C3AR1: variants seen among roughly 807,000 people sequenced by gnomAD.
C3AR1 encodes complement C3a receptor 1.
For synonymous variants in C3AR1, 208 were observed against 225.3 expected, an observed-to-expected ratio of 0.92 and a Z score of 0.69; for missense variants, 579 against 583.5, an observed-to-expected ratio of 0.99 and a Z score of 0.08.
Position 8,060,088 on chromosome 12 carries a change from G to C in C3AR1, c.98C>G (p.Thr33Ser). 1 of 1,614,158 alleles carries C rather than the reference G, an allele frequency of 6.2e-7. No individual in the cohort carries two copies. ...VILSMVILSL[T>S]FLLGLPGNGL... ...ATTGCCTGGCAATCCCAGTAAAAAA[G>C]TAAGGCTGAGAATGACCATGGAGAG... The change falls in exon 2 of 2, where the codon ACT becomes AGT. Residue 33 changes from threonine (T) to serine (S), a missense_variant. Thr to Ser is a moderately conservative substitution (Grantham distance 58, BLOSUM62 1). Transcript: ENST00000307637.
intron 1 of C3AR1, among the ~76,000 whole-genome samples, chr12:8,061,750 C>T (rs761626652): frequency 1.3e-5 from 2 of 152,240 alleles, no homozygotes; most frequent in South Asian, 2.1e-4. Flanking sequence ...TGCGAGCCAC[C>T]GCGCCTGGCC....
rs761998261 is a variant in C3AR1, at chr12:8,059,473, G to T, written c.713C>A (p.Ser238Tyr). The T allele has an allele frequency of 6.2e-7, 1 of 1,614,124 alleles. No homozygotes were observed. Among genetic ancestry groups the T allele is most frequent in the Non-Finnish European group, 8.5e-7 (1 of 1,179,990 alleles). Reference sequence around the variant, plus strand: ...AGAACCCCTAGGGAGTGAATCTGCAGAAGGTCTTTGAAATGTTTGAGGTTG... The same window carrying T: ...AGAACCCCTAGGGAGTGAATCTGCATAAGGTCTTTGAAATGTTTGAGGTTG... ...VFQPQTFQRP[S>Y]ADSLPRGSAR... The change falls in exon 2 of 2, where the codon TCT becomes TAT. Residue 238 changes from serine (S) to tyrosine (Y), a missense_variant. Coordinates refer to ENST00000307637, the MANE Select transcript of C3AR1 (RefSeq NM_004054.4).
intron 1 of C3AR1, among the ~76,000 whole-genome samples, chr12:8,062,810 A>C (rs1212401599): frequency 2.0e-5 from 3 of 149,676 alleles, no homozygotes; most frequent in Non-Finnish European, 4.5e-5. Flanking sequence ...TGCCCGGCTA[A>C]TTTTTTTTTG....
Position 8,059,690 on chromosome 12 carries a change from T to C in C3AR1, c.496A>G (p.Thr166Ala). 6.2e-7 allele frequency: 1 copy of C among 1,614,182 alleles called. No homozygotes were observed. The highest frequency in any genetic ancestry group is 8.5e-7 in the Non-Finnish European group (1 of 1,180,038). Residue 166 changes from threonine (T) to alanine (A), a missense_variant, in exon 2 of 2, where the codon ACA (threonine) becomes GCA (alanine). By Grantham distance (58) the Thr-to-Ala change is moderately conservative (BLOSUM62 0). Transcript: ENST00000307637. ...TAGCCACATCTATTATGGTTGTCTG[T>C]AGTGAAGATTTCCCGGTACACGAAC... ...PVFVYREIFTTDNHNRCGYKF... is the reference protein window; with the variant it reads ...PVFVYREIFTADNHNRCGYKF...
At chr12:8,064,178 T>C (rs996517792) in intron 1 of C3AR1, among the ~76,000 whole-genome samples, 1 of 152,220 alleles carries the variant, frequency 6.6e-6, no homozygotes, top group Non-Finnish European at 1.5e-5. Flanking sequence ...TTTGTATCCA[T>C]GTAATCCTTA....
rs900136969 is a variant in C3AR1 at position 8,057,636 on chromosome 12, A to G, written c.*1101T>C. On this transcript the variant is annotated 3_prime_UTR_variant, in exon 2 of 2. Coordinates refer to ENST00000307637, the MANE Select transcript of C3AR1 (RefSeq NM_004054.4). ...AACTATGTGCATGTATTACTTTGGC[A>G]AAGAAAAGGATTTAAAAAACCCAGA... 2.0e-5 allele frequency among the ~76,000 whole-genome samples: 3 copies of G among 152,192 alleles called. No homozygotes were observed. The highest frequency in any genetic ancestry group is 4.8e-5 in the African/African-American group (2 of 41,438).
intron 1 of C3AR1, among the ~76,000 whole-genome samples, chr12:8,064,339 T>C (rs1947308036): frequency 6.6e-6 from 1 of 152,172 alleles, no homozygotes; most frequent in African/African-American, 2.4e-5. Flanking sequence ...CAGCCAAATA[T>C]TGCCATAGGG....
intron 1 of C3AR1, among the ~76,000 whole-genome samples, chr12:8,065,021 T>A (rs1947316086): frequency 6.6e-6 from 1 of 152,048 alleles, no homozygotes; most frequent in African/African-American, 2.4e-5. Context: ...GCCTACGTTT[T>A]CTCTGCTTTT....
rs558274441 is a variant in C3AR1 at position 8,064,654 on chromosome 12, A to G, written c.-11+1624T>C. Among the ~76,000 whole-genome samples, 9 of 144,822 alleles carry G rather than the reference A, an allele frequency of 6.2e-5. No individual in the cohort carries two copies. The South Asian group carries it at 2.0e-3, about 32-fold the overall frequency. On this transcript the variant is annotated intron_variant, in intron 1 of 1. Transcript: ENST00000307637. ...TGGTGAGCCGAGGTTGCGCCACTAC[A>G]CTCCAGCCTGGGCAACAAAAGCAAA... is the stretch of plus-strand genomic sequence containing the variant.
chr12:8,059,833 A>T lies in C3AR1; in HGVS notation c.353T>A (p.Leu118Gln), dbSNP rs576903115. Residue 118 changes from leucine (L) to glutamine (Q), a missense_variant, in exon 2 of 2, where the codon CTG (leucine) becomes CAG (glutamine). Coordinates refer to ENST00000307637, the MANE Select transcript of C3AR1 (RefSeq NM_004054.4). ...ASVFLLTAIS[L>Q]DRCLVVFKPI... ...CTTGAATACCACAAGACAGCGATCC[A>T]GGCTAATGGCAGTAAGCAGGAAGAC... 5 of 1,614,058 alleles carry T rather than the reference A, an allele frequency of 3.1e-6. No individual in the cohort carries two copies. The highest frequency in any genetic ancestry group is 4.2e-6 in the Non-Finnish European group (5 of 1,180,032).
At chr12:8,062,841 G>T (rs1380590635) in intron 1 of C3AR1, among the ~76,000 whole-genome samples, 1 of 151,188 alleles carries the variant, frequency 6.6e-6, no homozygotes, top group East Asian at 1.9e-4. Flanking sequence ...AGAGAACGGG[G>T]TTTCTCCATG....
At chr12:8,063,771 G>T (rs1269384280) in intron 1 of C3AR1, among the ~76,000 whole-genome samples, 1 of 151,886 alleles carries the variant, frequency 6.6e-6, no homozygotes, top group Non-Finnish European at 1.5e-5. Flanking sequence ...AGACACCAAG[G>T]TTAAAGATTA....
Position 8,059,143 on chromosome 12 carries a change from GGCA to G in C3AR1, c.1040_1042del (p.Leu347del). 6.2e-7 allele frequency: 1 copy of G among 1,614,162 alleles called. No homozygotes were observed. Among genetic ancestry groups the G allele is most frequent in the Non-Finnish European group, 8.5e-7 (1 of 1,180,032 alleles). On this transcript the variant is annotated inframe_deletion, in exon 2 of 2. Coordinates refer to ENST00000307637, the MANE Select transcript of C3AR1 (RefSeq NM_004054.4). The stretch of plus-strand genomic sequence containing the variant: ...GTAACAGGCTATCATGATAACAGAG[GGCA>G]GCAGGAAACCCACCACTAGCCTAGT...
rs1366908514 is a variant in C3AR1, at chr12:8,059,824, C to T, written c.362G>A (p.Cys121Tyr). The T allele has an allele frequency of 1.2e-6, 2 of 1,613,994 alleles. No homozygotes were observed. The highest frequency in any genetic ancestry group is 2.7e-5 in the African/African-American group (2 of 74,886). Residue 121 changes from cysteine to tyrosine, a missense_variant, in exon 2 of 2, where the codon TGT becomes TAT. By Grantham distance (194) the Cys-to-Tyr change is radical. Coordinates refer to ENST00000307637, the MANE Select transcript of C3AR1 (RefSeq NM_004054.4). ...CCAGATTGGCTTGAATACCACAAGACAGCGATCCAGGCTAATGGCAGTAAG... is the reference window on the plus strand; with the variant it reads ...CCAGATTGGCTTGAATACCACAAGATAGCGATCCAGGCTAATGGCAGTAAG... ...FLLTAISLDRCLVVFKPIWCQ... is the reference protein window; with the variant it reads ...FLLTAISLDRYLVVFKPIWCQ...
rs1565634490 is a variant in C3AR1 at position 8,058,542 on chromosome 12, T to C, written c.*195A>G. 1 of 609,466 alleles carries C rather than the reference T, an allele frequency of 1.6e-6. No individual in the cohort carries two copies. The highest frequency in any genetic ancestry group is 2.8e-6 in the Non-Finnish European group (1 of 362,532). The allele number at this position is 609,466 out of a possible 1,614,324, so 37.8% of individuals were successfully genotyped here. On this transcript the variant is annotated 3_prime_UTR_variant, in exon 2 of 2. Coordinates refer to ENST00000307637, the MANE Select transcript of C3AR1 (RefSeq NM_004054.4). ...AGATTCCGATTCAGCAAGTCTGGGA[T>C]GCGGCTTGAGAATTTGCATTTCTAA...
rs71451936 is a variant in C3AR1, at chr12:8,062,949, C to CTTTTTTTTTT, written c.-10-2764_-10-2755dup. Among the ~76,000 whole-genome samples the CTTTTTTTTTT allele has an allele frequency of 8.0e-4, 45 of 56,324 alleles. 4 individuals carry two copies. The highest frequency in any genetic ancestry group is 2.9e-3 in the African/African-American group (40 of 14,010). The allele number at this position is 56,324 out of a possible 152,430, so 37.0% of individuals were successfully genotyped here. ...CAGGCGTGAGCCACCGCGCCCGGCC[C>CTTTTTTTTTT]TTTTTTTTTTTTTTTTTTTTTTTTT... On this transcript the variant is annotated intron_variant, in intron 1 of 1. Coordinates refer to ENST00000307637, the MANE Select transcript of C3AR1 (RefSeq NM_004054.4).
chr12:8,057,644 G>T lies in C3AR1; in HGVS notation c.*1093C>A, dbSNP rs999881337. Among the ~76,000 whole-genome samples, 16 of 152,156 alleles carry T rather than the reference G, an allele frequency of 1.1e-4. No individual in the cohort carries two copies. Among genetic ancestry groups the T allele is most frequent in the African/African-American group, 3.9e-4 (16 of 41,524 alleles). On this transcript the variant is annotated 3_prime_UTR_variant, in exon 2 of 2. Transcript: ENST00000307637. ...GCATGTATTACTTTGGCAAAGAAAA[G>T]GATTTAAAAAACCCAGAAGATATAT...
rs56136109 is a variant in C3AR1, at chr12:8,059,188, A to G, written c.998T>C (p.Leu333Pro). The G allele has an allele frequency of 0.024, 38,895 of 1,614,198 alleles. 577 individuals are homozygous for G. Among genetic ancestry groups the G allele is most frequent in the Non-Finnish European group, 0.028 (32,567 of 1,180,016 alleles). ...FTDDDQVPTP[L>P]VAITITRLVV... ...TAGCCTAGTGATCGTTATTGCCACG[A>G]GGGGTGTTGGCACTTGATCGTCATC... Residue 333 changes from leucine (L) to proline (P), a missense_variant, in exon 2 of 2, where the codon CTC becomes CCC. Coordinates refer to ENST00000307637, the MANE Select transcript of C3AR1 (RefSeq NM_004054.4).
At position 8,057,545 on chromosome 12, in the gene C3AR1, G is replaced by C. The variant is rs1008808784; in HGVS notation, c.*1192C>G. Among the ~76,000 whole-genome samples, 1 of 152,112 alleles carries C rather than the reference G, an allele frequency of 6.6e-6. No individual in the cohort carries two copies. The highest frequency in any genetic ancestry group is 2.4e-5 in the African/African-American group (1 of 41,410). On this transcript the variant is annotated 3_prime_UTR_variant, in exon 2 of 2. Transcript: ENST00000307637. ...TCTGGGAAATGAGAGTGGGAGGAGG[G>C]AACTTTTGGGCACAGTGAGGTAGGA...
Sources: allele counts gnomAD v4.1 joint callset (sites outside exome capture counted in the v4.1 genomes callset), GRCh38; gene constraint gnomAD v4.1.1; transcripts MANE v1.5; gene names NCBI Gene and HGNC (gene_info 2026-07-23, HGNC 2026-07-21).